The following PAK2 variants were observed in gnomAD, a reference collection of about 807,000 sequenced individuals.
PAK2 encodes the protein serine/threonine-protein kinase PAK 2.
A neutral mutation model predicts 65.9 loss-of-function variants in PAK2; 21 were observed. That is an observed-to-expected ratio of 0.32 (90% CI 0.23 to 0.46). PAK2 has a LOEUF of 0.46. Among genes scored for constraint, PAK2 ranks in the 20% least tolerant of loss-of-function variants. The pLI is 1.00. For missense variants in PAK2, 324 were observed against 642.6 expected (o/e 0.50, Z 5.36); for synonymous variants, 204 against 219.7 (o/e 0.93, Z 0.63).
intron 2 of PAK2, among the ~76,000 whole-genome samples, chr3:196,801,622 C>G (rs1715424644): frequency 6.6e-6 from 1 of 152,044 alleles, no homozygotes; most frequent in Admixed American, 6.6e-5. Context: ...GCAGGTGGAT[C>G]AGGAGTTTGA....
At chr3:196,806,873 T>A (rs115952540) in intron 6 of PAK2, among the ~76,000 whole-genome samples, 187 bp downstream of exon 6, 6,685 of 152,252 alleles carry the variant, frequency 0.044, 195 homozygotes, top group Middle Eastern at 0.068. Context: ...TTCTGAAGAT[T>A]AAAATGTGAT....
chr3:196,780,572 G>A lies in PAK2; in HGVS notation c.-21-2054G>A, dbSNP rs147807601. Reference sequence around the variant, plus strand: ...TCCCACCAGGTCCCTTCCATAACATGTGGGAATTCAAGATGAGATTTGGGT... The same window carrying A: ...TCCCACCAGGTCCCTTCCATAACATATGGGAATTCAAGATGAGATTTGGGT... On this transcript the variant is annotated intron_variant, in intron 1 of 14. Coordinates refer to ENST00000327134, the MANE Select transcript of PAK2 (RefSeq NM_002577.4). Among the ~76,000 whole-genome samples the A allele has an allele frequency of 3.6e-3, 553 of 152,260 alleles. 15 individuals carry two copies. In the East Asian group the frequency reaches 0.075, roughly 21 times the overall value.
At position 196,820,986 on chromosome 3, in the gene PAK2, C is replaced by G. The variant is rs997140014; in HGVS notation, c.1350+419C>G. 6.6e-6 allele frequency among the ~76,000 whole-genome samples: 1 copy of G among 152,022 alleles called. No homozygotes were observed. Among genetic ancestry groups the G allele is most frequent in the Non-Finnish European group, 1.5e-5 (1 of 68,008 alleles). ...TCCTGAGTAGCTGGGACTATGGGTG[C>G]GTGCCACCACACCCAGCTGATTTTT... On this transcript the variant is annotated intron_variant, in intron 13 of 14. Transcript: ENST00000327134. The surrounding 1 kb of genome is among the most constrained non-coding windows in gnomAD (Gnocchi z 4.6).
intron 3 of PAK2, 114 bp downstream of exon 3, chr3:196,802,141 G>A (rs1715439781): frequency 4.4e-6 from 3 of 687,212 alleles, no homozygotes; most frequent in South Asian, 1.7e-5. Flanking sequence ...GCACACGCCT[G>A]TAATCCCAGC....
chr3:196,819,315 G>C (rs916839132), intron 12 of PAK2, among the ~76,000 whole-genome samples: 3 of 152,028 alleles, frequency 2.0e-5, no homozygotes, highest in Non-Finnish European at 2.9e-5. Context: ...GGTGGCAGGC[G>C]CCTCTAGTCC....
intron 1 of PAK2, among the ~76,000 whole-genome samples, chr3:196,758,154 T>C (rs1429393984): frequency 6.6e-6 from 1 of 152,230 alleles, no homozygotes; most frequent in African/African-American, 2.4e-5. Context: ...GGTGATGTAA[T>C]GGTCAACAAG....
chr3:196,752,838 T>C (rs1713650018), intron 1 of PAK2, among the ~76,000 whole-genome samples: 2 of 151,926 alleles, frequency 1.3e-5, no homozygotes, highest in Admixed American at 1.3e-4. Flanking sequence ...GTGATCCGTC[T>C]GCCTTGGCCT....
intron 1 of PAK2, among the ~76,000 whole-genome samples, chr3:196,765,679 A>G (rs1190270801): frequency 1.3e-5 from 2 of 152,200 alleles, no homozygotes; most frequent in African/African-American, 4.8e-5. Flanking sequence ...CACTTGTGAG[A>G]ATAGATAATA....
chr3:196,817,155 AATTTTT>A lies in PAK2; in HGVS notation c.1054-901_1054-896del, dbSNP rs1360696979. Among the ~76,000 whole-genome samples, 897 of 127,540 alleles carry A rather than the reference AATTTTT, an allele frequency of 7.0e-3. 9 individuals are homozygous for A. Among genetic ancestry groups the A allele is most frequent in the African/African-American group, 0.025 (833 of 33,706 alleles). 83.7% of individuals were successfully genotyped at this position (127,540 alleles called of 152,430 possible). On this transcript the variant is annotated intron_variant, in intron 11 of 14. Transcript: ENST00000327134. ...TTAGGCATTTAAACCTGAAAGAGGC[AATTTTT>A]TTTTTTTTTTTTTTTTTTTTTGAGA...
chr3:196,811,297 C>T (rs1004046235), intron 8 of PAK2, among the ~76,000 whole-genome samples: 3 of 38,530 alleles, frequency 7.8e-5, no homozygotes, highest in Admixed American at 3.0e-4. Flanking sequence ...CCTTCCCTCC[C>T]TCCCTTCCTT....
At position 196,820,414 on chromosome 3, in the gene PAK2, A is replaced by G. The variant is rs1267439279; in HGVS notation, c.1197A>G (p.Lys399=). 1 of 1,612,152 alleles carries G rather than the reference A, an allele frequency of 6.2e-7. No individual in the cohort carries two copies. Among genetic ancestry groups the G allele is most frequent in the Non-Finnish European group, 8.5e-7 (1 of 1,179,064 alleles). ...CCCAGATCACCCCTGAGCAGAGCAA[A>G]CGCAGTACCATGGTCGGAACGCCAT... ...FCAQITPEQS[K]RSTMVGTPYW... Residue 399 remains lysine (K), a synonymous_variant, in exon 13 of 15, where the codon AAA becomes AAG. Coordinates refer to ENST00000327134, the MANE Select transcript of PAK2 (RefSeq NM_002577.4). The surrounding 1 kb of genome is among the most constrained non-coding windows in gnomAD (Gnocchi z 4.6).
At chr3:196,749,189 A>G (rs2108708376) in intron 1 of PAK2, among the ~76,000 whole-genome samples, 1 of 152,110 alleles carries the variant, frequency 6.6e-6, no homozygotes, top group African/African-American at 2.4e-5. Context: ...AGGTACTGAG[A>G]TTAATGCTAC....
At chr3:196,753,556 T>C (rs1349971768) in intron 1 of PAK2, among the ~76,000 whole-genome samples, 1 of 152,254 alleles carries the variant, frequency 6.6e-6, no homozygotes, top group Non-Finnish European at 1.5e-5. Context: ...AAACCTTGTT[T>C]ATGTGAATTC....
rs73891506 is a variant in PAK2, at chr3:196,790,962, G to A, written c.187+8129G>A. On this transcript the variant is annotated intron_variant, in intron 2 of 14. Coordinates refer to ENST00000327134, the MANE Select transcript of PAK2 (RefSeq NM_002577.4). ...TTTGTATCTGTACCTTAAGCTCTCT[G>A]GCTCCTGAAAAGAGAATCTGGCTAC... Among the ~76,000 whole-genome samples, 215 of 152,236 alleles carry A rather than the reference G, an allele frequency of 1.4e-3. 1 individual carries two copies. The highest frequency in any genetic ancestry group is 5.0e-3 in the African/African-American group (206 of 41,524).
chr3:196,743,371 T>C lies in PAK2; in HGVS notation c.-22+3214T>C, dbSNP rs79625249. On this transcript the variant is annotated intron_variant, in intron 1 of 14. Coordinates refer to ENST00000327134, the MANE Select transcript of PAK2 (RefSeq NM_002577.4). ...TACCCTGGGCAAGATATACATTCTT[T>C]TCAAGACTTGCTTTTCTCACCTGTA... Among the ~76,000 whole-genome samples, 62 of 152,326 alleles carry C rather than the reference T, an allele frequency of 4.1e-4. No homozygotes were observed. The East Asian group carries it at 0.012, about 29-fold the overall frequency.
At chr3:196,816,908 T>C (rs1156886324) in intron 11 of PAK2, among the ~76,000 whole-genome samples, 2 of 152,146 alleles carry the variant, frequency 1.3e-5, no homozygotes, top group Non-Finnish European at 2.9e-5. Flanking sequence ...ATGTCCAAGT[T>C]GTAGATACAG....
chr3:196,825,576 A>G (rs1036562724), intron 13 of PAK2, among the ~76,000 whole-genome samples: 2 of 145,764 alleles, frequency 1.4e-5, no homozygotes, highest in East Asian at 2.1e-4. Flanking sequence ...TCAGGAGGTG[A>G]AGGTTGCATC....
intron 1 of PAK2, among the ~76,000 whole-genome samples, chr3:196,754,524 G>A (rs1713707471): frequency 6.6e-6 from 1 of 152,138 alleles, no homozygotes; most frequent in South Asian, 2.1e-4. Flanking sequence ...AGGGTAGTAG[G>A]ATCTTACCCT....
chr3:196,828,154 A>T (rs764490491), intron 14 of PAK2, among the ~76,000 whole-genome samples, 165 bp from the exon 15 acceptor site: 11 of 152,258 alleles, frequency 7.2e-5, no homozygotes, highest in Non-Finnish European at 1.3e-4. Context: ...TTCAACTCTG[A>T]AAGTAATGCG....
Sources: gnomAD v4.1 joint callset for allele counts (sites outside exome capture counted in the v4.1 genomes callset) on GRCh38, gnomAD v4.1.1 for gene constraint, Gnocchi (gnomAD v3.1) non-coding constraint, MANE v1.5 for transcripts, NCBI Gene and HGNC (gene_info 2026-07-23, HGNC 2026-07-21) for gene names.